COP1: variants seen among roughly 807,000 people sequenced by gnomAD.
COP1 encodes COP1 E3 ubiquitin ligase.
In COP1, 24 loss-of-function variants were observed where a neutral mutation model predicts 101.3. That is an observed-to-expected ratio of 0.24 (90% CI 0.17 to 0.33). The LOEUF (loss-of-function observed/expected upper bound fraction) is 0.33, where lower values mean the gene tolerates loss of function less well. Ranked by LOEUF, COP1 falls within the 10% of genes least tolerant of loss-of-function variation. COP1 has a pLI of 1.00. For synonymous variants in COP1, 347 were observed against 341.9 expected (o/e 1.01, Z -0.17); for missense variants, 663 against 906.2 (o/e 0.73, Z 3.45).
At chr1:176,133,268 G>A (rs1023333278) in intron 8 of COP1, among the ~76,000 whole-genome samples, 14 of 149,610 alleles carry the variant, frequency 9.4e-5, no homozygotes, top group Admixed American at 1.3e-4. Flanking sequence ...ATATACGTAC[G>A]TATATATATA....
At chr1:176,187,054 AATT>A (rs1436603328) in intron 1 of COP1, among the ~76,000 whole-genome samples, 2 of 152,312 alleles carry the variant, frequency 1.3e-5, no homozygotes, top group East Asian at 3.9e-4. Context: ...AGTACCTAAA[AATT>A]ACTATCAAAT....
At position 176,058,143 on chromosome 1, in the gene COP1, G is replaced by GGT. The variant is rs1384845631; in HGVS notation, c.1278-11820_1278-11819insAC. On this transcript the variant is annotated intron_variant, in intron 11 of 19. Transcript: ENST00000367669. ...TCGGGAGGGAGGTGGGGTGGGGGGGGGGTCAGCCCCCGCCCGGCCAGCCGC... is the reference window on the plus strand; with the variant it reads ...TCGGGAGGGAGGTGGGGTGGGGGGGGGTGGTCAGCCCCCGCCCGGCCAGCCGC... 1.2e-4 allele frequency among the ~76,000 whole-genome samples: 16 copies of GGT among 136,132 alleles called. 2 individuals carry two copies. Among genetic ancestry groups the GGT allele is most frequent in the Admixed American group, 3.7e-4 (5 of 13,640 alleles). The allele number at this position is 136,132 out of a possible 152,430, so 89.3% of individuals were successfully genotyped here.
chr1:176,163,009 AAC>A (rs1238403880), intron 4 of COP1, 21 bp from the exon 5 acceptor site: 1 of 1,590,596 alleles, frequency 6.3e-7, no homozygotes, highest in Non-Finnish European at 8.5e-7. Flanking sequence ...AGAAAGAAGA[AAC>A]ACAACAACTT....
At chr1:176,190,176 G>T (rs551039683) in intron 1 of COP1, among the ~76,000 whole-genome samples, 1 of 152,148 alleles carries the variant, frequency 6.6e-6, no homozygotes, top group African/African-American at 2.4e-5. Flanking sequence ...ATTCGGATCT[G>T]TCTGCATTTT....
intron 15 of COP1, among the ~76,000 whole-genome samples, chr1:176,023,341 T>G (rs980687190): frequency 6.6e-5 from 10 of 152,204 alleles, no homozygotes; most frequent in African/African-American, 2.4e-4. Flanking sequence ...ACATTACTAT[T>G]GACAATACAG....
intron 12 of COP1, among the ~76,000 whole-genome samples, chr1:176,044,187 T>C (rs1353123379): frequency 6.6e-6 from 1 of 152,196 alleles, no homozygotes; most frequent in East Asian, 1.9e-4. Flanking sequence ...TGAGACTGTT[T>C]AACCCCCTGG....
intron 18 of COP1, among the ~76,000 whole-genome samples, chr1:175,963,929 T>G (rs1387171817): frequency 6.6e-6 from 1 of 152,186 alleles, no homozygotes; most frequent in Non-Finnish European, 1.5e-5. Context: ...TGCACAATAT[T>G]TGATGAACTA....
chr1:176,020,312 G>GAAA (rs72482029), intron 15 of COP1, among the ~76,000 whole-genome samples: 1 of 85,150 alleles, frequency 1.2e-5, no homozygotes. Context: ...CTCCATCTCG[G>GAAA]AAAAAAAAAA....
intron 2 of COP1, among the ~76,000 whole-genome samples, chr1:176,179,505 C>A (rs1029210678): frequency 5.3e-5 from 8 of 152,070 alleles, no homozygotes; most frequent in Admixed American, 2.0e-4. Context: ...GAGGGCGAGG[C>A]AGGAGGATTG....
At chr1:176,195,068 CAG>C (rs1558297544) in intron 1 of COP1, among the ~76,000 whole-genome samples, 1 of 146,734 alleles carries the variant, frequency 6.8e-6, no homozygotes, top group East Asian at 2.0e-4. Flanking sequence ...GCCTGGGTGA[CAG>C]AGTGAGACCC....
chr1:176,027,013 A>G (rs1354676446), intron 15 of COP1, among the ~76,000 whole-genome samples: 1 of 152,178 alleles, frequency 6.6e-6, no homozygotes, highest in Non-Finnish European at 1.5e-5. Context: ...CCAGGCAAAC[A>G]CCGACATATG....
chr1:175,953,067 A>C (rs1650153399), intron 18 of COP1, among the ~76,000 whole-genome samples: 1 of 152,246 alleles, frequency 6.6e-6, no homozygotes, highest in African/African-American at 2.4e-5. Flanking sequence ...ATTATAACAC[A>C]AACACAAGTA....
At chr1:176,139,946 G>A (rs570880111) in intron 6 of COP1, among the ~76,000 whole-genome samples, 17 of 152,132 alleles carry the variant, frequency 1.1e-4, no homozygotes, top group African/African-American at 3.9e-4. Context: ...TCCCTGAATC[G>A]AAAAGTTGAA....
intron 1 of COP1, among the ~76,000 whole-genome samples, chr1:176,199,388 C>T: frequency 7.3e-6 from 1 of 137,086 alleles, no homozygotes; most frequent in East Asian, 2.7e-4. Flanking sequence ...TATTTTAAAA[C>T]TAAACATACA....
chr1:176,057,817 C>T (rs1264924214), intron 11 of COP1, among the ~76,000 whole-genome samples: 1 of 151,292 alleles, frequency 6.6e-6, no homozygotes, highest in Non-Finnish European at 1.5e-5. Context: ...TGTGAGGAGC[C>T]CCTCTGCCTG....
intron 1 of COP1, among the ~76,000 whole-genome samples, chr1:176,187,740 T>C (rs1698649889): frequency 6.6e-6 from 1 of 152,172 alleles, no homozygotes; most frequent in Non-Finnish European, 1.5e-5. Context: ...AAGATATCTA[T>C]GAGGCGCTCA....
chr1:176,154,495 T>C (rs902079254), intron 5 of COP1, among the ~76,000 whole-genome samples: 1 of 152,110 alleles, frequency 6.6e-6, no homozygotes, highest in Non-Finnish European at 1.5e-5. Context: ...GGAACATAAA[T>C]GAAGCCAGAA....
chr1:176,084,934 A>G (rs1679868289), intron 10 of COP1, among the ~76,000 whole-genome samples: 1 of 152,032 alleles, frequency 6.6e-6, no homozygotes, highest in Non-Finnish European at 1.5e-5. Context: ...AACATGTACC[A>G]AGCATTGTAT....
In COP1 at chr1:176,146,471, T is replaced by G. The variant is rs115913519; in HGVS notation, c.831+2535A>C. ...TTCCAAGATGAAGTTACAAAGAACA[T>G]GTGACTTCTGTCTTCAATATCCTCT... On this transcript the variant is annotated intron_variant, in intron 6 of 19. Coordinates refer to ENST00000367669, the MANE Select transcript of COP1 (RefSeq NM_022457.7). Among the ~76,000 whole-genome samples, 892 of 152,332 alleles carry G rather than the reference T, an allele frequency of 5.9e-3. 12 individuals are homozygous for G. The highest frequency in any genetic ancestry group is 0.021 in the African/African-American group (855 of 41,574).
Sources: gnomAD v4.1 joint callset for allele counts (sites outside exome capture counted in the v4.1 genomes callset) on GRCh38, gnomAD v4.1.1 for gene constraint, MANE v1.5 for transcripts, NCBI Gene and HGNC (gene_info 2026-07-23, HGNC 2026-07-21) for gene names.